Variants in DOCK2 observed in about 807,000 individuals in gnomAD.
The protein encoded by DOCK2 is dedicator of cytokinesis 2, also known as dedicator of cytokinesis protein 2.
DOCK2 carries 87 observed loss-of-function variants against 248.9 expected under a neutral mutation model. That is an observed-to-expected ratio of 0.35 (90% confidence interval 0.29 to 0.42). The LOEUF (loss-of-function observed/expected upper bound fraction) is 0.42. DOCK2 is among the 10% of genes least tolerant of loss of function. The pLI, the probability that DOCK2 is intolerant of heterozygous loss-of-function variation, is 1.00. For missense variants in DOCK2, 1,747 were observed against 2,300.2 expected (o/e 0.76, Z 4.92); for synonymous variants, 805 against 821.6 (o/e 0.98, Z 0.35).
intron 27 of DOCK2, among the ~76,000 whole-genome samples, chr5:169,855,699 T>C (rs1000932614): frequency 1.3e-5 from 2 of 152,298 alleles, no homozygotes; most frequent in Non-Finnish European, 2.9e-5. Context: ...GTGAAGTCTT[T>C]CAATTAAACT....
chr5:169,964,546 C>G (rs963775784), intron 27 of DOCK2, among the ~76,000 whole-genome samples: 2 of 152,240 alleles, frequency 1.3e-5, no homozygotes, highest in African/African-American at 4.8e-5. Context: ...CCAGCATCTC[C>G]GCCTGGAGGG....
intron 27 of DOCK2, among the ~76,000 whole-genome samples, chr5:169,963,763 A>T (rs139582981): frequency 3.9e-5 from 6 of 151,916 alleles, no homozygotes; most frequent in East Asian, 3.9e-4. Context: ...CCCTAGCATC[A>T]TTCACTCACT....
chr5:169,668,561 C>A (rs1024790361), intron 2 of DOCK2, among the ~76,000 whole-genome samples: 2 of 152,160 alleles, frequency 1.3e-5, no homozygotes, highest in Non-Finnish European at 2.9e-5. Context: ...ATGACAAATG[C>A]CACTCCTTGG....
intron 25 of DOCK2, among the ~76,000 whole-genome samples, chr5:169,773,845 GT>G (rs1222013656): frequency 6.6e-6 from 1 of 152,136 alleles, no homozygotes; most frequent in Non-Finnish European, 1.5e-5. Flanking sequence ...TCTCATGGTA[GT>G]GAATAAGTCT....
rs549673635 is a variant in DOCK2 at position 170,018,441 on chromosome 5, T to C, written c.3233-519T>C. 3.0e-4 allele frequency among the ~76,000 whole-genome samples: 46 copies of C among 152,232 alleles called. No individual in the cohort carries two copies. In the South Asian group the frequency reaches 8.9e-3, roughly 30 times the overall value. ...GAAATGAGGCAGAAGAGACGAGAAG[T>C]TGTGGTTCATCTGATCCTCAAGCTA... On this transcript the variant is annotated intron_variant, in intron 32 of 51. Coordinates refer to ENST00000520908, the MANE Select transcript of DOCK2 (RefSeq NM_004946.3).
At chr5:169,957,218 T>G (rs1381560549) in intron 27 of DOCK2, among the ~76,000 whole-genome samples, 1 of 152,208 alleles carries the variant, frequency 6.6e-6, no homozygotes. Context: ...AATGAATTAA[T>G]TAAAATGGAC....
intron 12 of DOCK2, 135 bp downstream of exon 12, chr5:169,699,593 C>A (rs145104974): frequency 8.8e-5 from 75 of 856,088 alleles, no homozygotes; most frequent in East Asian, 6.4e-4. Context: ...AGAATGGGAA[C>A]ATATGATCTA....
intron 30 of DOCK2, among the ~76,000 whole-genome samples, chr5:170,004,364 G>A (rs6888131): frequency 1.1e-3 from 164 of 152,190 alleles, no homozygotes; most frequent in Non-Finnish European, 2.1e-3. Flanking sequence ...AATGATTGCC[G>A]TTCTAACTGG....
intron 27 of DOCK2, among the ~76,000 whole-genome samples, chr5:169,982,618 G>A (rs149401645): frequency 6.6e-6 from 1 of 152,314 alleles, no homozygotes; most frequent in African/African-American, 2.4e-5. Context: ...GAGGTGCTGG[G>A]TTGCCACTGG....
At chr5:169,731,294 T>C (rs1191036228) in intron 22 of DOCK2, among the ~76,000 whole-genome samples, 2 of 152,180 alleles carry the variant, frequency 1.3e-5, no homozygotes. Context: ...GGAGGAGCCC[T>C]ATGGGAGGTG....
At chr5:170,043,095 C>T (rs1382768632) in intron 38 of DOCK2, among the ~76,000 whole-genome samples, 1 of 152,212 alleles carries the variant, frequency 6.6e-6, no homozygotes, top group African/African-American at 2.4e-5. Flanking sequence ...GCTCCAGCCT[C>T]TGGTGGACCT....
intron 27 of DOCK2, among the ~76,000 whole-genome samples, chr5:169,976,928 G>A (rs1007171846): frequency 5.3e-5 from 8 of 152,206 alleles, no homozygotes; most frequent in Non-Finnish European, 8.8e-5. Context: ...CATGTAGCAG[G>A]CCACATGAAC....
chr5:169,771,790 G>T (rs957929399), intron 25 of DOCK2, among the ~76,000 whole-genome samples: 2 of 152,054 alleles, frequency 1.3e-5, no homozygotes, highest in African/African-American at 2.4e-5. Flanking sequence ...AAATTTTTGT[G>T]TGTGCCTTAA....
At chr5:170,007,370 C>T (rs1388757344) in intron 30 of DOCK2, among the ~76,000 whole-genome samples, 1 of 152,188 alleles carries the variant, frequency 6.6e-6, no homozygotes, top group Non-Finnish European at 1.5e-5. Flanking sequence ...GCACCAAAAC[C>T]CTAGGCTGTA....
At chr5:169,654,602 G>T (rs4867873) in intron 2 of DOCK2, 116 bp downstream of exon 2, 46,700 of 1,012,568 alleles carry the variant, frequency 0.046, 1,307 homozygotes, top group South Asian at 0.084. Context: ...ATTTAAAAAC[G>T]TTTTGGTAAC....
rs1268249936 is a variant in DOCK2 at position 170,080,642 on chromosome 5, T to C, written c.5287+359T>C. The C allele has an allele frequency of 1.3e-5, 3 of 229,634 alleles. No individual in the cohort carries two copies. In the East Asian group the frequency reaches 2.8e-4, roughly 22 times the overall value. 14.2% of individuals were successfully genotyped at this position (229,634 alleles called of 1,614,324 possible). ...TATGTCCCTAAGACCTGTGGCTTCT[T>C]TGTGGACCTGGAAGACTCTTTCTGG... On this transcript the variant is annotated intron_variant, in intron 50 of 51. Transcript: ENST00000520908.
At chr5:169,645,873 G>A (rs1581372596) in intron 1 of DOCK2, among the ~76,000 whole-genome samples, 3 of 151,940 alleles carry the variant, frequency 2.0e-5, no homozygotes, top group South Asian at 2.1e-4. Flanking sequence ...TCAGCCTCCC[G>A]AGTAGCTGGG....
intron 25 of DOCK2, among the ~76,000 whole-genome samples, chr5:169,779,998 G>T (rs1166544296): frequency 6.6e-6 from 1 of 152,214 alleles, no homozygotes; most frequent in Admixed American, 6.5e-5. Context: ...CACCGAAGCA[G>T]TAAGGCACAC....
chr5:169,936,822 C>G (rs1192715297), intron 27 of DOCK2, among the ~76,000 whole-genome samples: 1 of 152,106 alleles, frequency 6.6e-6, no homozygotes, highest in Non-Finnish European at 1.5e-5. Flanking sequence ...GCTAAATTGA[C>G]AAAACTCAAT....
Sources: gnomAD v4.1 joint callset for allele counts (sites outside exome capture counted in the v4.1 genomes callset) on GRCh38, gnomAD v4.1.1 for gene constraint, MANE v1.5 for transcripts, NCBI Gene and HGNC (gene_info 2026-07-23, HGNC 2026-07-21) for gene names.